TCF20: variants seen among roughly 807,000 people sequenced by gnomAD.
TCF20 encodes SPRE-binding protein.
Under a neutral mutation model 148.6 loss-of-function variants are expected in TCF20, and 3 were observed. The observed-to-expected ratio is 0.02, with a 90% confidence interval of 0.01 to 0.05. The LOEUF is 0.05. TCF20 is among the 10% of genes least tolerant of loss of function. TCF20 has a pLI of 1.00. For synonymous variants in TCF20, 1,049 were observed against 909.5 expected (o/e 1.15, Z -2.76); for missense variants, 2,350 against 2,429.3 (o/e 0.97, Z 0.69).
At chr22:42,309,417 C>T (rs1927493092) in intron 1 of TCF20, among the ~76,000 whole-genome samples, 1 of 152,104 alleles carries the variant, frequency 6.6e-6, no homozygotes, top group East Asian at 1.9e-4. Flanking sequence ...CGCCAGGCCC[C>T]AGTGCCCTGG....
Position 42,211,432 on chromosome 22 carries a change from C to G in TCF20, c.3874G>C (p.Ala1292Pro). 1 of 1,614,186 alleles carries G rather than the reference C, an allele frequency of 6.2e-7. No homozygotes were observed. Among genetic ancestry groups the G allele is most frequent in the Non-Finnish European group, 8.5e-7 (1 of 1,180,040 alleles). Residue 1292 changes from alanine to proline, a missense_variant, in exon 2 of 6, where the codon GCT becomes CCT. Around this residue, in one of 7 missense-constraint regions of TCF20, gnomAD observed 1,641 missense variants for 1,662.6 expected, o/e 0.99. Coordinates refer to ENST00000677622, the MANE Select transcript of TCF20 (RefSeq NM_001378418.1). ...GCATAGGAATTGAATGCTTTATCAGCGCCTTCTTTTGATGAGTGAAGGAGG... is the reference window on the plus strand; with the variant it reads ...GCATAGGAATTGAATGCTTTATCAGGGCCTTCTTTTGATGAGTGAAGGAGG... ...GRLLHSSKEG[A>P]DKAFNSYAHL...
chr22:42,213,275 T>C lies in TCF20; in HGVS notation c.2031A>G (p.Gly677=). The C allele has an allele frequency of 1.2e-6, 2 of 1,614,144 alleles. No individual in the cohort carries two copies. Among genetic ancestry groups the C allele is most frequent in the South Asian group, 2.2e-5 (2 of 91,084 alleles). ...AGTGGCCACTCTGGCCATTTCCTTCTCCATTATGGTTGGAGTTGTTATCGC... is the reference window on the plus strand; with the variant it reads ...AGTGGCCACTCTGGCCATTTCCTTCCCCATTATGGTTGGAGTTGTTATCGC... ...KNGDNNSNHN[G]EGNGQSGHSA... is the part of the protein sequence containing the mutation. The change falls in exon 2 of 6, where the codon GGA becomes GGG. Residue 677 remains glycine, a synonymous_variant. Transcript: ENST00000677622.
upstream of TCF20, among the ~76,000 whole-genome samples, chr22:42,272,350 T>C (rs1017624777): frequency 6.6e-6 from 1 of 152,250 alleles, no homozygotes; most frequent in Non-Finnish European, 1.5e-5. Flanking sequence ...ATGCAGGGCC[T>C]CCTGAAGACT....
intron 1 of TCF20, among the ~76,000 whole-genome samples, chr22:42,228,956 G>A (rs912265471): frequency 1.3e-5 from 2 of 152,212 alleles, no homozygotes; most frequent in African/African-American, 4.8e-5. Flanking sequence ...TGTTTCTGTT[G>A]TGTCTGTGTG....
intron 2 of TCF20, among the ~76,000 whole-genome samples, chr22:42,188,778 T>C (rs992698478): frequency 6.6e-6 from 1 of 152,208 alleles, no homozygotes; most frequent in African/African-American, 2.4e-5. Context: ...TTCTACAAAT[T>C]TTTATTGCAT....
At chr22:42,242,615 G>T (rs1332657274) in intron 1 of TCF20, among the ~76,000 whole-genome samples, 1 of 151,726 alleles carries the variant, frequency 6.6e-6, no homozygotes, top group Non-Finnish European at 1.5e-5. Context: ...GGCCAGGCGA[G>T]GTGGCTCACA....
Position 42,161,148 on chromosome 22 carries a change from A to T in TCF20, c.*255T>A. ...CTCCCCCCACATTGTCACTATGGAG[A>T]TTGTGTCCATGGAAACAGCCATTCC... On this transcript the variant is annotated 3_prime_UTR_variant, in exon 6 of 6. Transcript: ENST00000677622. 4.0e-6 allele frequency: 1 copy of T among 249,046 alleles called. No individual in the cohort carries two copies. Among genetic ancestry groups the T allele is most frequent in the Non-Finnish European group, 7.7e-6 (1 of 130,514 alleles). The allele number at this position is 249,046 out of a possible 1,614,324, so 15.4% of individuals were successfully genotyped here. A position where few individuals can be genotyped will look rare whatever the true frequency, so the allele number is the denominator to read the frequency against.
At chr22:42,178,560 C>T (rs1936579862) in intron 3 of TCF20, among the ~76,000 whole-genome samples, 1 of 150,944 alleles carries the variant, frequency 6.6e-6, no homozygotes, top group Admixed American at 6.6e-5. Context: ...ATTTGCAAAC[C>T]ACATATCCAG....
intron 5 of TCF20, among the ~76,000 whole-genome samples, chr22:42,167,525 GTTTTTC>G (rs1030076195): frequency 6.6e-5 from 10 of 152,054 alleles, no homozygotes; most frequent in African/African-American, 2.4e-4. Flanking sequence ...GTACATTTTG[GTTTTTC>G]TTTTCTTTAC....
In TCF20 at chr22:42,279,836, G is replaced by A. The variant is rs1926861659; in HGVS notation, c.-37+3991C>T. On this transcript the variant is annotated intron_variant, in intron 1 of 5. Transcript: ENST00000359486. The surrounding 1 kb of genome is among the most constrained non-coding windows in gnomAD (Gnocchi z 4.3). The stretch of plus-strand genomic sequence containing the variant: ...GAATGAGCCACTGGGGGCCTCCGTG[G>A]CAATCGGGCTCACAAAGCCATGTGT... Among the ~76,000 whole-genome samples, 1 of 152,216 alleles carries A rather than the reference G, an allele frequency of 6.6e-6. No homozygotes were observed. The highest frequency in any genetic ancestry group is 6.5e-5 in the Admixed American group (1 of 15,290).
intron 1 of TCF20, among the ~76,000 whole-genome samples, chr22:42,221,101 G>A (rs1922313659): frequency 6.6e-6 from 1 of 152,186 alleles, no homozygotes; most frequent in African/African-American, 2.4e-5. Context: ...CCCTTTAGCA[G>A]CATGGTTCTG....
At chr22:42,302,766 C>G (rs1182598302) in intron 1 of TCF20, among the ~76,000 whole-genome samples, 1 of 152,230 alleles carries the variant, frequency 6.6e-6, no homozygotes, top group Non-Finnish European at 1.5e-5. Context: ...CCAGCACCTC[C>G]CATCCTGTAG....
At chr22:42,206,251 T>A (rs1938376474) in intron 2 of TCF20, among the ~76,000 whole-genome samples, 1 of 152,148 alleles carries the variant, frequency 6.6e-6, no homozygotes, top group Non-Finnish European at 1.5e-5. Flanking sequence ...CATACACATA[T>A]GCACATCAAA....
intron 1 of TCF20, among the ~76,000 whole-genome samples, chr22:42,291,740 G>A (rs1378709119): frequency 1.3e-5 from 2 of 152,018 alleles, no homozygotes; most frequent in African/African-American, 2.4e-5. Context: ...CCCAGGCTGG[G>A]CAAAGGTGGA....
rs929407906 is a variant in TCF20, at chr22:42,297,179, G to A, written c.-37+46300C>T. ...CCCACAATGGATGGCCCAGCTGGGC[G>A]ACCTTGGGCAAGGAGGCTGCCCATC... On this transcript the variant is annotated intron_variant, in intron 1 of 1. Coordinates refer to the TCF20 transcript ENST00000515426. The surrounding 1 kb of genome is among the most constrained non-coding windows in gnomAD (Gnocchi z 4.3). Among the ~76,000 whole-genome samples the A allele has an allele frequency of 1.3e-5, 2 of 152,218 alleles. No individual in the cohort carries two copies. The highest frequency in any genetic ancestry group is 1.3e-4 in the Admixed American group (2 of 15,284).
At chr22:42,256,300 T>TTG (rs761175470) in intron 1 of TCF20, among the ~76,000 whole-genome samples, 1 of 152,192 alleles carries the variant, frequency 6.6e-6, no homozygotes, top group Non-Finnish European at 1.5e-5. Flanking sequence ...TATTTGATTT[T>TTG]TGTGTGTGTG....
intron 1 of TCF20, among the ~76,000 whole-genome samples, chr22:42,236,827 G>C (rs5758666): frequency 2.0e-5 from 3 of 152,002 alleles, no homozygotes; most frequent in Non-Finnish European, 2.9e-5. Flanking sequence ...ATATGTGTAC[G>C]CTATACTTCA....
At chr22:42,284,555 A>G (rs1229619702), upstream of TCF20, among the ~76,000 whole-genome samples, 1 of 152,216 alleles carries the variant, frequency 6.6e-6, no homozygotes, top group Non-Finnish European at 1.5e-5. Flanking sequence ...AGTGGCCCAG[A>G]GCCTGAAGGG....
chr22:42,262,380 G>A (rs1458412391), intron 1 of TCF20, among the ~76,000 whole-genome samples: 1 of 152,132 alleles, frequency 6.6e-6, no homozygotes, highest in Non-Finnish European at 1.5e-5. Flanking sequence ...AGGGTGGTGA[G>A]AGAAAAGGAG....
Sources: allele counts gnomAD v4.1 joint callset (sites outside exome capture counted in the v4.1 genomes callset), GRCh38; gene constraint gnomAD v4.1.1; regional missense constraint gnomAD v4.1.1; non-coding constraint Gnocchi (gnomAD v3.1); transcripts MANE v1.5; gene names NCBI Gene and HGNC (gene_info 2026-07-23, HGNC 2026-07-21).